SOX5: variants seen among roughly 807,000 people sequenced by gnomAD.
SOX5 encodes SRY-box transcription factor 5.
Under a neutral mutation model 92.0 loss-of-function variants are expected in SOX5, and 9 were observed. The ratio of observed to expected loss-of-function variants is 0.10; its 90% CI spans 0.06 to 0.17. The LOEUF is 0.17. SOX5 is among the 10% of genes least tolerant of loss of function. The pLI is 1.00. For missense variants in SOX5, 642 were observed against 944.5 expected (o/e 0.68, Z 4.20); for synonymous variants, 344 against 336.3 (o/e 1.02, Z -0.25).
intron 3 of SOX5, among the ~76,000 whole-genome samples, chr12:24,276,129 T>C (rs1944403451): frequency 6.6e-6 from 1 of 152,128 alleles, no homozygotes; most frequent in South Asian, 2.1e-4. Flanking sequence ...CCTGTAAACC[T>C]ATAGAATTTT....
chr12:24,036,273 T>C (rs1201769667), intron 4 of SOX5, among the ~76,000 whole-genome samples: 2 of 152,106 alleles, frequency 1.3e-5, no homozygotes, highest in African/African-American at 2.4e-5. Context: ...CAGTGAGCCA[T>C]TGCCCAGTGC....
At chr12:24,520,048 A>T (rs1418956392) in intron 1 of SOX5, among the ~76,000 whole-genome samples, 6 of 151,944 alleles carry the variant, frequency 3.9e-5, no homozygotes, top group African/African-American at 1.4e-4. Flanking sequence ...AAGAAAAAAA[A>T]AAACCTGCCA....
chr12:23,748,641 A>T (rs1027698621), intron 4 of SOX5, among the ~76,000 whole-genome samples: 5 of 151,980 alleles, frequency 3.3e-5, no homozygotes, highest in African/African-American at 1.2e-4. Flanking sequence ...TCCCTCAAAA[A>T]ACTTACCAAA....
At chr12:24,456,754 A>G (rs1943063587) in intron 1 of SOX5, among the ~76,000 whole-genome samples, 1 of 152,226 alleles carries the variant, frequency 6.6e-6, no homozygotes, top group South Asian at 2.1e-4. Flanking sequence ...AAGCTTCATT[A>G]TCATTTACCT....
chr12:23,820,803 C>T (rs1345362751), intron 3 of SOX5, among the ~76,000 whole-genome samples: 1 of 151,982 alleles, frequency 6.6e-6, no homozygotes, highest in Non-Finnish European at 1.5e-5. Flanking sequence ...CATACCAGTA[C>T]CGTGGTGTTT....
At chr12:23,794,719 G>T (rs1467794876) in intron 3 of SOX5, among the ~76,000 whole-genome samples, 1 of 152,072 alleles carries the variant, frequency 6.6e-6, no homozygotes, top group Non-Finnish European at 1.5e-5. Context: ...TTTCATAAAA[G>T]TATAGCTGTG....
chr12:24,325,762 T>G (rs1950617263), intron 2 of SOX5, among the ~76,000 whole-genome samples: 1 of 152,138 alleles, frequency 6.6e-6, no homozygotes, highest in Non-Finnish European at 1.5e-5. Context: ...AGAATGAGAG[T>G]TCCAGAATGA....
chr12:24,331,999 G>A (rs962035383), intron 2 of SOX5, among the ~76,000 whole-genome samples: 2 of 151,670 alleles, frequency 1.3e-5, no homozygotes, highest in African/African-American at 4.8e-5. Context: ...GATCAAGACT[G>A]CATATAATAT....
At chr12:23,549,909 C>G (rs185573714) in intron 11 of SOX5, among the ~76,000 whole-genome samples, 2 of 152,030 alleles carry the variant, frequency 1.3e-5, no homozygotes, top group East Asian at 3.9e-4. Flanking sequence ...TGTATCTCAT[C>G]GACAGAAGAC....
chr12:24,133,492 C>CACTAGTAACT (rs1321702987), intron 4 of SOX5, among the ~76,000 whole-genome samples: 2 of 152,118 alleles, frequency 1.3e-5, no homozygotes, highest in Non-Finnish European at 2.9e-5. Context: ...GAGGTGGGTA[C>CACTAGTAACT]AGTTTACTAG....
At chr12:24,400,998 A>C (rs1328504224) in intron 1 of SOX5, among the ~76,000 whole-genome samples, 1 of 152,178 alleles carries the variant, frequency 6.6e-6, no homozygotes, top group Non-Finnish European at 1.5e-5. Context: ...CAGAGACATT[A>C]ACTTTGAACT....
chr12:24,146,722 C>A, intron 4 of SOX5, among the ~76,000 whole-genome samples: 1 of 146,632 alleles, frequency 6.8e-6, no homozygotes, highest in African/African-American at 2.5e-5. Context: ...AATCGCTAGC[C>A]AGGCTGGTCA....
intron 1 of SOX5, among the ~76,000 whole-genome samples, chr12:23,944,594 C>T (rs932488822): frequency 6.6e-6 from 1 of 152,096 alleles, no homozygotes; most frequent in Non-Finnish European, 1.5e-5. Context: ...TCTCCTAAAG[C>T]ATGTCAAATT....
chr12:24,272,244 T>C (rs983203054), intron 3 of SOX5, among the ~76,000 whole-genome samples: 23 of 152,186 alleles, frequency 1.5e-4, no homozygotes, highest in Admixed American at 3.9e-4. Flanking sequence ...TGCTGATATA[T>C]AGAAAAACTG....
intron 4 of SOX5, among the ~76,000 whole-genome samples, chr12:24,103,604 C>T (rs1461309948): frequency 6.6e-6 from 1 of 152,156 alleles, no homozygotes; most frequent in Non-Finnish European, 1.5e-5. Context: ...GATCCTCACG[C>T]CTTGGCCTCC....
At chr12:23,961,668 C>T (rs556930080) in intron 4 of SOX5, among the ~76,000 whole-genome samples, 147 of 152,292 alleles carry the variant, frequency 9.7e-4, no homozygotes, top group Admixed American at 3.3e-3. Context: ...TAAATTCCCA[C>T]CACTCACCTA....
intron 9 of SOX5, among the ~76,000 whole-genome samples, chr12:23,595,036 T>C (rs765189325): frequency 1.3e-5 from 2 of 152,190 alleles, no homozygotes; most frequent in African/African-American, 2.4e-5. Flanking sequence ...ATTACCCATT[T>C]GTTTAATTGC....
intron 1 of SOX5, among the ~76,000 whole-genome samples, chr12:24,470,137 G>A (rs1944647768): frequency 1.3e-5 from 2 of 152,200 alleles, no homozygotes; most frequent in South Asian, 4.1e-4. Flanking sequence ...CCAAAGTACA[G>A]ATGATGTAGA....
At chr12:23,892,768 T>C (rs2097141113) in intron 2 of SOX5, among the ~76,000 whole-genome samples, 1 of 152,228 alleles carries the variant, frequency 6.6e-6, no homozygotes, top group Non-Finnish European at 1.5e-5. Context: ...ATCCAAACTG[T>C]ACTAACTTCT....
Sources: allele counts gnomAD v4.1 joint callset (sites outside exome capture counted in the v4.1 genomes callset), GRCh38; gene constraint gnomAD v4.1.1; transcripts MANE v1.5; gene names NCBI Gene and HGNC (gene_info 2026-07-23, HGNC 2026-07-21).